PM20D1: variants seen among roughly 807,000 people sequenced by gnomAD.
The protein encoded by PM20D1 is N-fatty-acyl-amino acid synthase/hydrolase PM20D1.
In PM20D1, 53 loss-of-function variants were observed where a neutral mutation model predicts 53.8. That is an observed-to-expected ratio of 0.98 (90% CI 0.79 to 1.24). The LOEUF (loss-of-function observed/expected upper bound fraction) is 1.24. Among genes scored for constraint, PM20D1 ranks in the 50% most tolerant of loss-of-function variants. The pLI is 0.00. For missense variants in PM20D1, 564 were observed against 616.8 expected (o/e 0.91, Z 0.91); for synonymous variants, 239 against 241.3 (o/e 0.99, Z 0.09).
rs1484869072 is a variant in PM20D1 at position 205,840,244 on chromosome 1, G to A, written c.1116+8C>T. 2 of 1,612,158 alleles carry A rather than the reference G, an allele frequency of 1.2e-6. No homozygotes were observed. The highest frequency in any genetic ancestry group is 8.5e-7 in the Non-Finnish European group (1 of 1,178,454). On this transcript the variant is annotated splice_region_variant and intron_variant, in intron 10 of 12. Transcript: ENST00000367136. ...CATGAGTTGTTGTCTGGAACATATG[G>A]TACATACCTCTTGGACTGTCTGTCC...
chr1:205,833,249 T>C (rs895435265), intron 10 of PM20D1, among the ~76,000 whole-genome samples: 3 of 152,342 alleles, frequency 2.0e-5, no homozygotes, highest in South Asian at 4.1e-4. Context: ...TGGATGGGAA[T>C]TGGAAAATCA....
chr1:205,846,083 CAAA>C (rs55675463), intron 2 of PM20D1, among the ~76,000 whole-genome samples: 8 of 119,630 alleles, frequency 6.7e-5, no homozygotes, highest in Admixed American at 2.6e-4. Context: ...AACTCCATCT[CAAA>C]AAAAAAAAAA....
intron 10 of PM20D1, among the ~76,000 whole-genome samples, chr1:205,836,035 C>T (rs1558091263): frequency 6.6e-6 from 1 of 151,952 alleles, no homozygotes; most frequent in East Asian, 1.9e-4. Flanking sequence ...ACCACCATGC[C>T]CAGCTAATTT....
Position 205,828,715 on chromosome 1 carries a change from C to G in PM20D1, c.1414G>C (p.Val472Leu), listed in dbSNP as rs753899065. 3.7e-6 allele frequency: 6 copies of G among 1,614,102 alleles called. No homozygotes were observed. The Admixed American group carries it at 8.3e-5, about 22-fold the overall frequency. Residue 472 changes from valine (V) to leucine (L), a missense_variant, in exon 13 of 13, where the codon GTC becomes CTC. By Grantham distance (32) the Val-to-Leu change is conservative. Transcript: ENST00000367136. ...RIHGVNEKISVQAYETQVKFI... is the reference protein window; with the variant it reads ...RIHGVNEKISLQAYETQVKFI... Reference sequence around the variant, plus strand: ...TTCACTTGGGTCTCATAGGCTTGGACTGAGATTTTCTCGTTGACTCCATGG... The same window carrying G: ...TTCACTTGGGTCTCATAGGCTTGGAGTGAGATTTTCTCGTTGACTCCATGG...
chr1:205,844,856 G>A lies in PM20D1; in HGVS notation c.531C>T (p.Tyr177=), dbSNP rs1253943728. 1 of 1,614,016 alleles carries A rather than the reference G, an allele frequency of 6.2e-7. No individual in the cohort carries two copies. The highest frequency in any genetic ancestry group is 1.3e-5 in the African/African-American group (1 of 75,046). Residue 177 remains tyrosine (Y), a synonymous_variant, in exon 4 of 13, where the codon TAC becomes TAT. Coordinates refer to ENST00000367136, the MANE Select transcript of PM20D1 (RefSeq NM_152491.5). The part of the protein sequence containing the change: ...QALELLLIRK[Y]IPRRSFFISL... ...AAATGAAGAAAGATCTTCGGGGGAT[G>A]TACTTCCTGATCAGCAGGAGCTCCA...
In PM20D1 at chr1:205,828,683, G is replaced by A; in HGVS notation, c.1446C>T (p.Ile482=). ...TGTCAGCATTCTGAATCAACTCAAA[G>A]ATGAATTTCACTTGGGTCTCATAGG... The part of the protein sequence containing the change: ...VQAYETQVKF[I]FELIQNADTD... Residue 482 remains isoleucine, a synonymous_variant, in exon 13 of 13, where the codon ATC becomes ATT. Coordinates refer to ENST00000367136, the MANE Select transcript of PM20D1 (RefSeq NM_152491.5). The A allele has an allele frequency of 6.2e-7, 1 of 1,614,174 alleles. No individual in the cohort carries two copies. Among genetic ancestry groups the A allele is most frequent in the Non-Finnish European group, 8.5e-7 (1 of 1,180,032 alleles).
chr1:205,839,543 C>A (rs879908106), intron 10 of PM20D1, among the ~76,000 whole-genome samples: 1 of 151,932 alleles, frequency 6.6e-6, no homozygotes, highest in Non-Finnish European at 1.5e-5. Context: ...TATGGGTATA[C>A]CTTAGAAAGG....
Position 205,828,536 on chromosome 1 carries a change from A to G in PM20D1, c.*84T>C. 6.4e-7 allele frequency: 1 copy of G among 1,557,656 alleles called. No homozygotes were observed. Among genetic ancestry groups the G allele is most frequent in the Non-Finnish European group, 8.7e-7 (1 of 1,149,684 alleles). On this transcript the variant is annotated 3_prime_UTR_variant, in exon 13 of 13. Coordinates refer to ENST00000367136, the MANE Select transcript of PM20D1 (RefSeq NM_152491.5). Reference sequence around the variant, plus strand: ...AATGTTTTACAATGTGGTTTTGATCAAAAGTTTCATCAACACTAGCTTTCC... The same window carrying G: ...AATGTTTTACAATGTGGTTTTGATCGAAAGTTTCATCAACACTAGCTTTCC...
At chr1:205,846,961 A>G (rs1352100010) in intron 2 of PM20D1, among the ~76,000 whole-genome samples, 5 of 140,842 alleles carry the variant, frequency 3.6e-5, no homozygotes, top group Admixed American at 1.5e-4. Flanking sequence ...GCTACTGGGC[A>G]TTAATCCCTG....
chr1:205,842,997 G>A (rs1436988793), intron 6 of PM20D1, among the ~76,000 whole-genome samples: 7 of 152,196 alleles, frequency 4.6e-5, no homozygotes, highest in Admixed American at 3.3e-4. Flanking sequence ...CTAGAATCCT[G>A]TGTGTCCACT....
At chr1:205,835,232 G>A (rs551855577) in intron 10 of PM20D1, among the ~76,000 whole-genome samples, 11 of 152,284 alleles carry the variant, frequency 7.2e-5, no homozygotes, top group African/African-American at 2.4e-4. Flanking sequence ...GTAACAGATC[G>A]TCTGAGCATG....
Position 205,850,016 on chromosome 1 carries a change from G to T in PM20D1, c.57C>A (p.Phe19Leu). Reference protein sequence around the residue: ...LALVAMLLLVFPTVSRSMGPR... With the variant: ...LALVAMLLLVLPTVSRSMGPR... Reference sequence around the variant, plus strand: ...GGCCCATCGATCTGGAGACGGTAGGGAAAACTAGGAGCAGCATAGCCACCA... The same window carrying T: ...GGCCCATCGATCTGGAGACGGTAGGTAAAACTAGGAGCAGCATAGCCACCA... Residue 19 changes from phenylalanine (F) to leucine (L), a missense_variant, in exon 1 of 13, where the codon TTC becomes TTA. Phe to Leu is a conservative substitution (Grantham distance 22). Coordinates refer to ENST00000367136, the MANE Select transcript of PM20D1 (RefSeq NM_152491.5). 6.2e-7 allele frequency: 1 copy of T among 1,614,158 alleles called. No individual in the cohort carries two copies. Among genetic ancestry groups the T allele is most frequent in the Non-Finnish European group, 8.5e-7 (1 of 1,180,024 alleles).
At chr1:205,839,118 C>G (rs1261601335) in intron 10 of PM20D1, among the ~76,000 whole-genome samples, 1 of 152,184 alleles carries the variant, frequency 6.6e-6, no homozygotes, top group Non-Finnish European at 1.5e-5. Flanking sequence ...GCCCAAACTC[C>G]TCAGCATAGC....
At chr1:205,833,828 G>T (rs1020324401) in intron 10 of PM20D1, among the ~76,000 whole-genome samples, 2 of 152,070 alleles carry the variant, frequency 1.3e-5, no homozygotes, top group Admixed American at 1.3e-4. Context: ...CACCTGAATG[G>T]GGGTCATTAT....
At chr1:205,847,006 CTTTTT>C (rs778538865) in intron 2 of PM20D1, among the ~76,000 whole-genome samples, 478 of 44,614 alleles carry the variant, frequency 0.011, no homozygotes, top group African/African-American at 0.039. Context: ...TCCTTCCTTT[CTTTTT>C]TTTTTTTTTT....
In PM20D1 at chr1:205,842,668, T is replaced by C. The variant is rs1253644145; in HGVS notation, c.903+8A>G. 1.2e-5 allele frequency: 19 copies of C among 1,613,710 alleles called. No homozygotes were observed. The highest frequency in any genetic ancestry group is 1.5e-5 in the Non-Finnish European group (18 of 1,179,780). On this transcript the variant is annotated splice_region_variant and intron_variant, in intron 7 of 12. Coordinates refer to ENST00000367136, the MANE Select transcript of PM20D1 (RefSeq NM_152491.5). The stretch of plus-strand genomic sequence containing the variant: ...CTGATTAGGAGTATGTGATACTTCT[T>C]CCCATACCTCATTTGCCAGTTGCTG...
chr1:205,831,752 C>A (rs943191839), intron 11 of PM20D1, among the ~76,000 whole-genome samples: 1 of 151,888 alleles, frequency 6.6e-6, no homozygotes, highest in Admixed American at 6.6e-5. Flanking sequence ...TTAGTAGAGA[C>A]GAGGTTTCAC....
intron 10 of PM20D1, among the ~76,000 whole-genome samples, chr1:205,836,640 G>A (rs1327246334): frequency 6.6e-6 from 1 of 152,080 alleles, no homozygotes; most frequent in Non-Finnish European, 1.5e-5. Context: ...CCTGTGAGTA[G>A]CTGGGAGTAT....
intron 6 of PM20D1, among the ~76,000 whole-genome samples, chr1:205,843,264 G>T (rs1230045849): frequency 6.6e-6 from 1 of 152,154 alleles, no homozygotes; most frequent in Non-Finnish European, 1.5e-5. Flanking sequence ...TACTCTAGCT[G>T]CCTGACCTAG....
Sources: allele counts gnomAD v4.1 joint callset (sites outside exome capture counted in the v4.1 genomes callset), GRCh38; gene constraint gnomAD v4.1.1; transcripts MANE v1.5; gene names NCBI Gene and HGNC (gene_info 2026-07-23, HGNC 2026-07-21).